HERC3: variants seen among roughly 807,000 people sequenced by gnomAD.
HERC3 encodes the protein probable E3 ubiquitin-protein ligase HERC3.
HERC3 carries 58 observed loss-of-function variants against 129.9 expected under a neutral mutation model. The observed-to-expected ratio is 0.45, with a 90% confidence interval of 0.36 to 0.56. The LOEUF is 0.56. HERC3 is among the 20% of genes least tolerant of loss of function. HERC3 has a pLI of 0.00. For missense variants in HERC3, 835 were observed against 1,244.2 expected, an observed-to-expected ratio of 0.67 and a Z score of 4.95; for synonymous variants, 430 against 451.0, an observed-to-expected ratio of 0.95 and a Z score of 0.59.
intron 3 of HERC3, among the ~76,000 whole-genome samples, chr4:88,637,229 TC>T (rs1231672753): frequency 6.6e-6 from 1 of 151,828 alleles, no homozygotes; most frequent in Non-Finnish European, 1.5e-5. Context: ...ATCGAGACCA[TC>T]CTGGCTAACA....
the HERC3 span, among the ~76,000 whole-genome samples, chr4:88,551,967 A>T: frequency 2.6e-5 from 4 of 152,122 alleles, no homozygotes; most frequent in African/African-American, 9.7e-5. Flanking sequence ...AAAAATGATG[A>T]GTTCATGTCC....
chr4:88,676,665 G>A (rs144124805), intron 18 of HERC3, among the ~76,000 whole-genome samples: 23 of 152,344 alleles, frequency 1.5e-4, no homozygotes, highest in African/African-American at 3.4e-4. Context: ...TTTGGGAACC[G>A]TATGGTCTCT....
chr4:88,640,861 C>A (rs918357620), intron 3 of HERC3, among the ~76,000 whole-genome samples: 2 of 152,026 alleles, frequency 1.3e-5, no homozygotes, highest in African/African-American at 4.8e-5. Flanking sequence ...ATAGACAAAT[C>A]TAAAAATTAT....
At chr4:88,639,914 G>A (rs1727883443) in intron 3 of HERC3, among the ~76,000 whole-genome samples, 1 of 152,054 alleles carries the variant, frequency 6.6e-6, no homozygotes, top group Admixed American at 6.6e-5. Context: ...CATAAAGTGG[G>A]CAAAGGATAT....
chr4:88,595,841 C>CTTTTTTTTT (rs532515500), intron 2 of HERC3, among the ~76,000 whole-genome samples: 2 of 80,250 alleles, frequency 2.5e-5, no homozygotes, highest in Non-Finnish European at 2.4e-5. Flanking sequence ...GCACTTAATT[C>CTTTTTTTTT]TTTTTTTTTT....
At chr4:88,608,424 G>A (rs1394703075) in intron 3 of HERC3, among the ~76,000 whole-genome samples, 2 of 152,176 alleles carry the variant, frequency 1.3e-5, no homozygotes, top group East Asian at 1.9e-4. Flanking sequence ...GGTTTGTAGA[G>A]TCATCTACAG....
At chr4:88,524,232 AAGTG>A in the HERC3 span, among the ~76,000 whole-genome samples, 1 of 152,392 alleles carries the variant, frequency 6.6e-6, no homozygotes, top group African/African-American at 2.4e-5. Context: ...TCATTAAAAA[AAGTG>A]AGAACCTGGA....
At chr4:88,619,938 G>T (rs1725333322) in intron 3 of HERC3, among the ~76,000 whole-genome samples, 1 of 152,214 alleles carries the variant, frequency 6.6e-6, no homozygotes, top group Non-Finnish European at 1.5e-5. Flanking sequence ...GATCACTCAT[G>T]TAGGAAAATG....
chr4:88,563,371 A>G, the HERC3 span, among the ~76,000 whole-genome samples: 1 of 152,140 alleles, frequency 6.6e-6, no homozygotes, highest in Non-Finnish European at 1.5e-5. Context: ...AACTTACTGA[A>G]TTTGTTTATC....
the HERC3 span, among the ~76,000 whole-genome samples, chr4:88,563,401 T>C: frequency 8.5e-5 from 13 of 152,188 alleles, no homozygotes; most frequent in Non-Finnish European, 1.8e-4. Flanking sequence ...AGTTTTTTGG[T>C]GGAGTCTTTA....
chr4:88,691,818 A>G (rs147183283), intron 23 of HERC3, among the ~76,000 whole-genome samples: 1 of 152,232 alleles, frequency 6.6e-6, no homozygotes, highest in Non-Finnish European at 1.5e-5. Context: ...GTCCTAAATT[A>G]TATGACTAAG....
intron 6 of HERC3, 85 bp from the exon 7 acceptor site, chr4:88,653,957 A>G (rs2860426): frequency 0.028 from 27,244 of 970,142 alleles, 2,261 homozygotes; most frequent in East Asian, 0.27. Flanking sequence ...GGAATCCAGG[A>G]ATCCAAAATT....
chr4:88,683,182 T>C (rs1479430133), intron 21 of HERC3, among the ~76,000 whole-genome samples: 1 of 152,210 alleles, frequency 6.6e-6, no homozygotes, highest in Non-Finnish European at 1.5e-5. Flanking sequence ...GTTATTCTCT[T>C]TCTGGCTCTT....
chr4:88,672,809 A>G (rs1008406126), intron 16 of HERC3, among the ~76,000 whole-genome samples: 1 of 152,256 alleles, frequency 6.6e-6, no homozygotes, highest in African/African-American at 2.4e-5. Context: ...TACTTAGCAT[A>G]TAATAAGCCC....
chr4:88,651,496 T>G lies in HERC3; in HGVS notation c.387-516T>G, dbSNP rs148699777. Among the ~76,000 whole-genome samples the G allele has an allele frequency of 3.5e-4, 53 of 152,336 alleles. 1 individual carries two copies. In the East Asian group the frequency reaches 0.01, roughly 29 times the overall value. ...TTCCTAACTTAAAAATTACTTACTA[T>G]GTACCTTACAGGGTTATGGGGAGGA... is the stretch of plus-strand genomic sequence containing the variant. On this transcript the variant is annotated intron_variant, in intron 4 of 25. Transcript: ENST00000402738.
chr4:88,624,848 C>G (rs1725914748), intron 3 of HERC3, among the ~76,000 whole-genome samples: 1 of 152,072 alleles, frequency 6.6e-6, no homozygotes, highest in South Asian at 2.1e-4. Flanking sequence ...TACATTTAGG[C>G]CTATGATCCA....
At chr4:88,628,304 G>A (rs76780393) in intron 3 of HERC3, among the ~76,000 whole-genome samples, 7,006 of 152,188 alleles carry the variant, frequency 0.046, 206 homozygotes, top group Middle Eastern at 0.12. Flanking sequence ...GTTACTCTTT[G>A]TCCCTAGTAA....
intron 16 of HERC3, among the ~76,000 whole-genome samples, chr4:88,671,699 T>C (rs1402886832): frequency 6.6e-6 from 1 of 152,058 alleles, no homozygotes; most frequent in Non-Finnish European, 1.5e-5. Flanking sequence ...AATTTTTGTA[T>C]TTTTTGTAGA....
chr4:88,687,253 A>C lies in HERC3; in HGVS notation c.2611A>C (p.Lys871Gln), dbSNP rs749267420. 5.6e-6 allele frequency: 9 copies of C among 1,613,152 alleles called. No homozygotes were observed. The highest frequency in any genetic ancestry group is 1.3e-5 in the African/African-American group (1 of 75,028). ...AAGCTATGGAGTGATTGAACAGAAG[A>C]AGCTGATACCTGGGGGAGATAATGT... ...RESYGVIEQK[K>Q]LIPGGDNVTV... Residue 871 changes from lysine (K) to glutamine (Q), a missense_variant, in exon 23 of 26, where the codon AAG becomes CAG. Physicochemically the swap from Lys to Gln is moderately conservative, Grantham distance 53 (BLOSUM62 1). Coordinates refer to ENST00000402738, the MANE Select transcript of HERC3 (RefSeq NM_014606.3).
Sources: allele counts gnomAD v4.1 joint callset (sites outside exome capture counted in the v4.1 genomes callset), GRCh38; gene constraint gnomAD v4.1.1; transcripts MANE v1.5; gene names NCBI Gene and HGNC (gene_info 2026-07-23, HGNC 2026-07-21).